The following ATP2B2 variants were observed in gnomAD, a reference collection of about 807,000 sequenced individuals.
ATP2B2 encodes the protein ATPase plasma membrane Ca2+ transporting 2, also known as plasma membrane calcium-transporting ATPase 2.
ATP2B2 carries 15 observed loss-of-function variants against 120.0 expected under a neutral mutation model. The observed-to-expected ratio is 0.12, with a 90% CI of 0.08 to 0.19. ATP2B2 has a LOEUF of 0.19. Ranked by LOEUF, ATP2B2 falls within the 10% of genes least tolerant of loss-of-function variation. The probability of loss-of-function intolerance (pLI) is 1.00; values close to 1 mark genes in which losing one functional copy is unlikely to be tolerated. For missense variants in ATP2B2, 1,045 were observed against 1,719.8 expected (o/e 0.61, Z 6.94); for synonymous variants, 694 against 700.3 (o/e 0.99, Z 0.14).
intron 2 of ATP2B2, among the ~76,000 whole-genome samples, chr3:10,566,625 C>T (rs558797556): frequency 1.3e-5 from 2 of 152,288 alleles, no homozygotes; most frequent in East Asian, 1.9e-4. Flanking sequence ...AATATTGTCG[C>T]CTCTTTTCTT....
intron 1 of ATP2B2, among the ~76,000 whole-genome samples, chr3:10,450,933 G>A (rs755850965): frequency 1.1e-4 from 16 of 152,256 alleles, no homozygotes; most frequent in Admixed American, 2.6e-4. Context: ...GCCCTGCCCC[G>A]CAGTCATGGA....
chr3:10,592,465 C>T (rs1408131778), intron 2 of ATP2B2, among the ~76,000 whole-genome samples: 3 of 152,244 alleles, frequency 2.0e-5, no homozygotes, highest in Non-Finnish European at 4.4e-5. Flanking sequence ...CAGGTTTGTG[C>T]TTTTCTGTTG....
intron 3 of ATP2B2, among the ~76,000 whole-genome samples, chr3:10,517,747 C>T (rs2066905153): frequency 6.6e-6 from 1 of 152,218 alleles, no homozygotes; most frequent in African/African-American, 2.4e-5. Flanking sequence ...TGCACATGCA[C>T]AGTCTCGCAC....
chr3:10,380,609 T>C (rs949566735), intron 8 of ATP2B2, among the ~76,000 whole-genome samples: 2 of 152,144 alleles, frequency 1.3e-5, no homozygotes, highest in African/African-American at 2.4e-5. Context: ...GGCCCCAAAG[T>C]GCGTGCCTAC....
intron 2 of ATP2B2, among the ~76,000 whole-genome samples, chr3:10,591,694 A>G (rs569976949): frequency 6.6e-6 from 1 of 152,342 alleles, no homozygotes; most frequent in East Asian, 1.9e-4. Flanking sequence ...ATGAATAACT[A>G]TAATGCCAAG....
intron 1 of ATP2B2, among the ~76,000 whole-genome samples, chr3:10,482,381 T>C (rs2125324157): frequency 6.6e-6 from 1 of 152,210 alleles, no homozygotes; most frequent in East Asian, 1.9e-4. Context: ...AGCACACCTC[T>C]GTCACTGTCT....
intron 11 of ATP2B2, among the ~76,000 whole-genome samples, chr3:10,374,306 G>C (rs1273112984): frequency 2.0e-5 from 3 of 152,162 alleles, no homozygotes; most frequent in Non-Finnish European, 4.4e-5. Context: ...TTGGGCTTTG[G>C]TTTGTGGGGA....
intron 1 of ATP2B2, among the ~76,000 whole-genome samples, chr3:10,478,901 T>C (rs1409029140): frequency 1.9e-4 from 29 of 152,150 alleles, no homozygotes; most frequent in Admixed American, 1.6e-3. Context: ...GTTTTCTCCA[T>C]GCTATTCTCA....
chr3:10,644,607 C>T (rs2070269401), intron 1 of ATP2B2, among the ~76,000 whole-genome samples: 1 of 152,214 alleles, frequency 6.6e-6, no homozygotes, highest in African/African-American at 2.4e-5. Context: ...CTAATACATG[C>T]TCCACCTAAA....
chr3:10,449,641 A>C lies in ATP2B2; in HGVS notation c.-98T>G. 4 of 1,468,786 alleles carry C rather than the reference A, an allele frequency of 2.7e-6. No individual in the cohort carries two copies. Among genetic ancestry groups the C allele is most frequent in the Non-Finnish European group, 3.8e-6 (4 of 1,054,508 alleles). The allele number at this position is 1,468,786 out of a possible 1,614,324, so 91.0% of individuals were successfully genotyped here. On this transcript the variant is annotated 5_prime_UTR_variant, in exon 2 of 23. The change abolishes the stop of an existing upstream ORF in the 5' untranslated region. Coordinates refer to ENST00000360273, the MANE Select transcript of ATP2B2 (RefSeq NM_001001331.4). ...TTGTGGCTGTCCTCAGCACACCCTC[A>C]CTGGTCAGCTGTGGCACCAGGCGGC...
chr3:10,325,181 C>G lies in ATP2B2; in HGVS notation c.*3633G>C, dbSNP rs1396865651. On this transcript the variant is annotated 3_prime_UTR_variant, in exon 23 of 23. Coordinates refer to ENST00000360273, the MANE Select transcript of ATP2B2 (RefSeq NM_001001331.4). ...TTACAATGGGGGGAAGATGATGGCACAGGGAATGACAGAGCCCAGAATTTG... is the reference window on the plus strand; with the variant it reads ...TTACAATGGGGGGAAGATGATGGCAGAGGGAATGACAGAGCCCAGAATTTG... The G allele has an allele frequency of 6.6e-6, 1 of 150,836 alleles. No homozygotes were observed. Among genetic ancestry groups the G allele is most frequent in the Non-Finnish European group, 1.5e-5 (1 of 67,824 alleles). The allele number at this position is 150,836 out of a possible 1,614,324, so 9.3% of individuals were successfully genotyped here. A position where few individuals can be genotyped will look rare whatever the true frequency, so the allele number is the denominator to read the frequency against.
At chr3:10,438,749 A>G (rs1182652543) in intron 2 of ATP2B2, among the ~76,000 whole-genome samples, 2 of 152,168 alleles carry the variant, frequency 1.3e-5, no homozygotes, top group African/African-American at 4.8e-5. Flanking sequence ...GGATCTCTCC[A>G]GCTGAACTCG....
At chr3:10,553,759 G>T (rs1269209209) in intron 2 of ATP2B2, among the ~76,000 whole-genome samples, 2 of 152,036 alleles carry the variant, frequency 1.3e-5, no homozygotes, top group Non-Finnish European at 2.9e-5. Flanking sequence ...GAAGGAACTG[G>T]GTGTTATCGA....
chr3:10,621,335 C>A (rs2069541802), intron 1 of ATP2B2, among the ~76,000 whole-genome samples: 1 of 152,244 alleles, frequency 6.6e-6, no homozygotes, highest in Non-Finnish European at 1.5e-5. Flanking sequence ...GAGGCCAACA[C>A]AGAGCAGTCA....
chr3:10,483,873 C>T (rs58289070), intron 1 of ATP2B2, among the ~76,000 whole-genome samples: 19,180 of 152,154 alleles, frequency 0.13, 1,547 homozygotes, highest in East Asian at 0.33. Context: ...GGTGCATTGG[C>T]GTCAGCCCCC....
At chr3:10,389,379 A>G (rs1366340080) in intron 5 of ATP2B2, among the ~76,000 whole-genome samples, 3 of 152,216 alleles carry the variant, frequency 2.0e-5, no homozygotes, top group African/African-American at 7.2e-5. Context: ...AAGAGAGGGG[A>G]GAAATATGGT....
Position 10,449,656 on chromosome 3 carries a change from C to G in ATP2B2, c.-113G>C, listed in dbSNP as rs2063964711. The G allele has an allele frequency of 7.2e-7, 1 of 1,383,806 alleles. No individual in the cohort carries two copies. 85.7% of individuals were successfully genotyped at this position (1,383,806 alleles called of 1,614,324 possible). On this transcript the variant is annotated 5_prime_UTR_variant, in exon 2 of 23. Coordinates refer to ENST00000360273, the MANE Select transcript of ATP2B2 (RefSeq NM_001001331.4). ...GCACACCCTCACTGGTCAGCTGTGGCACCAGGCGGCCGACTCCGGGTCCCG... is the reference window on the plus strand; with the variant it reads ...GCACACCCTCACTGGTCAGCTGTGGGACCAGGCGGCCGACTCCGGGTCCCG...
At chr3:10,371,597 A>C (rs1049092351) in intron 12 of ATP2B2, among the ~76,000 whole-genome samples, 3 of 152,226 alleles carry the variant, frequency 2.0e-5, no homozygotes, top group Non-Finnish European at 2.9e-5. Context: ...TAAAAAGCAT[A>C]ATTAACAATA....
In ATP2B2 at chr3:10,391,937, C is replaced by T. The variant is rs541289616; in HGVS notation, c.782-3535G>A. On this transcript the variant is annotated intron_variant, in intron 5 of 22. Coordinates refer to ENST00000360273, the MANE Select transcript of ATP2B2 (RefSeq NM_001001331.4). Reference sequence around the variant, plus strand: ...TCACTGGGCCTTGGTGTCTACCTCCCTGGCCTTTGCTCACAGTGATCACCT... The same window carrying T: ...TCACTGGGCCTTGGTGTCTACCTCCTTGGCCTTTGCTCACAGTGATCACCT... 6.8e-4 allele frequency among the ~76,000 whole-genome samples: 103 copies of T among 152,278 alleles called. No homozygotes were observed. In the South Asian group the frequency reaches 0.011, roughly 16 times the overall value.
Sources: gnomAD v4.1 joint callset for allele counts (sites outside exome capture counted in the v4.1 genomes callset) on GRCh38, gnomAD v4.1.1 for gene constraint, MANE v1.5 for transcripts, NCBI Gene and HGNC (gene_info 2026-07-23, HGNC 2026-07-21) for gene names.